Variants in ABLIM1 observed in about 807,000 individuals in gnomAD.
ABLIM1 encodes actin binding LIM protein 1.
Under a neutral mutation model 107.0 loss-of-function variants are expected in ABLIM1, and 40 were observed. The observed-to-expected ratio is 0.37, with a 90% confidence interval of 0.29 to 0.49. ABLIM1 has a LOEUF of 0.49. ABLIM1 is among the 20% of genes least tolerant of loss of function. The probability of loss-of-function intolerance (pLI) is 0.97; values close to 1 mark genes in which losing one functional copy is unlikely to be tolerated. For missense variants in ABLIM1, 857 were observed against 1,008.5 expected, an observed-to-expected ratio of 0.85 and a Z score of 2.04; for synonymous variants, 357 against 357.3, an observed-to-expected ratio of 1.00 and a Z score of 0.01.
At chr10:114,519,033 C>T (rs566600904) in intron 6 of ABLIM1, among the ~76,000 whole-genome samples, 1 of 152,276 alleles carries the variant, frequency 6.6e-6, no homozygotes, top group Admixed American at 6.5e-5. Flanking sequence ...AATCCCCACA[C>T]ACCCTGCCTC....
At chr10:114,788,340 A>AT in the ABLIM1 span, among the ~76,000 whole-genome samples, 23 of 131,294 alleles carry the variant, frequency 1.8e-4, no homozygotes, top group East Asian at 2.4e-3. Context: ...AAAATAAAAA[A>AT]AAAAAAAATA....
intron 10 of ABLIM1, among the ~76,000 whole-genome samples, chr10:114,470,324 G>A (rs1443394658): frequency 1.3e-5 from 2 of 150,446 alleles, no homozygotes; most frequent in Non-Finnish European, 2.9e-5. Flanking sequence ...TTGGGAAGCT[G>A]AGGCAGCAGA....
intron 5 of ABLIM1, 131 bp downstream of exon 5, chr10:114,547,519 T>C: frequency 1.6e-6 from 2 of 1,242,478 alleles, no homozygotes; most frequent in Non-Finnish European, 2.2e-6. Context: ...TAGCAACAAG[T>C]TCATTATGAT....
intron 7 of ABLIM1, among the ~76,000 whole-genome samples, chr10:114,489,505 A>T (rs528679098): frequency 6.6e-6 from 1 of 152,270 alleles, no homozygotes; most frequent in Admixed American, 6.5e-5. Flanking sequence ...TTCTTAACCC[A>T]GGGCCAAAAT....
chr10:114,664,380 G>A (rs2079924307), intron 1 of ABLIM1, among the ~76,000 whole-genome samples: 1 of 152,082 alleles, frequency 6.6e-6, no homozygotes, highest in African/African-American at 2.4e-5. Flanking sequence ...ACCAGGCGTG[G>A]GTGTGCCTAA....
chr10:114,672,913 A>AC (rs1255984915), intron 1 of ABLIM1, among the ~76,000 whole-genome samples: 8 of 152,138 alleles, frequency 5.3e-5, no homozygotes, highest in Admixed American at 4.6e-4. Flanking sequence ...AAATAAGATG[A>AC]CCATATGTGA....
intron 1 of ABLIM1, among the ~76,000 whole-genome samples, chr10:114,722,891 A>T (rs960184543): frequency 6.6e-6 from 1 of 150,662 alleles, no homozygotes; most frequent in Non-Finnish European, 1.5e-5. Context: ...AGGCTAGATA[A>T]TTTTTTTTTT....
At chr10:114,567,091 G>A (rs1005535448) in intron 4 of ABLIM1, among the ~76,000 whole-genome samples, 13 of 152,168 alleles carry the variant, frequency 8.5e-5, no homozygotes, top group Admixed American at 3.9e-4. Flanking sequence ...CCAACACTTG[G>A]TATAACAGGG....
rs954957026 is a variant in ABLIM1, at chr10:114,730,152, C to T, written c.-213+37909G>A. On this transcript the variant is annotated intron_variant, in intron 1 of 15. Coordinates refer to the ABLIM1 transcript ENST00000651092. ...GTGGCTCACGCCTGTGATCCCTGCA[C>T]TTTGGGAGGCCAAAGCAGGTGGATC... Among the ~76,000 whole-genome samples the T allele has an allele frequency of 2.6e-5, 4 of 152,102 alleles. No homozygotes were observed. The East Asian group carries it at 5.8e-4, about 22-fold the overall frequency.
chr10:114,555,975 A>G (rs985508503), intron 4 of ABLIM1, among the ~76,000 whole-genome samples: 1 of 152,324 alleles, frequency 6.6e-6, no homozygotes, highest in Admixed American at 6.5e-5. Flanking sequence ...TTATTAATAG[A>G]AAGTGGAATA....
chr10:114,548,917 C>T (rs1281812671), intron 4 of ABLIM1, among the ~76,000 whole-genome samples: 1 of 152,180 alleles, frequency 6.6e-6, no homozygotes, highest in African/African-American at 2.4e-5. Context: ...TGAAACAACC[C>T]CCTCTTCTGA....
chr10:114,678,295 T>C (rs542956966), intron 1 of ABLIM1, among the ~76,000 whole-genome samples: 373 of 152,382 alleles, frequency 2.4e-3, no homozygotes, highest in African/African-American at 8.6e-3. Context: ...GTTTTCATTC[T>C]GACTGAACTA....
intron 6 of ABLIM1, among the ~76,000 whole-genome samples, chr10:114,496,067 A>C (rs1294638323): frequency 6.6e-6 from 1 of 152,242 alleles, no homozygotes; most frequent in Non-Finnish European, 1.5e-5. Flanking sequence ...TCCCAAGGTC[A>C]TTCACAAAAA....
At chr10:114,466,959 G>A (rs751921059) in intron 11 of ABLIM1, among the ~76,000 whole-genome samples, 1 of 152,074 alleles carries the variant, frequency 6.6e-6, no homozygotes, top group Non-Finnish European at 1.5e-5. Flanking sequence ...AGGAGTTTGC[G>A]ACCAGCCTGC....
chr10:114,758,611 C>T (rs1322896422), intron 1 of ABLIM1, among the ~76,000 whole-genome samples: 2 of 152,158 alleles, frequency 1.3e-5, no homozygotes, highest in Non-Finnish European at 2.9e-5. Context: ...CTGTTCATTC[C>T]TATTTGGAGC....
At chr10:114,452,241 A>G (rs573861037) in intron 13 of ABLIM1, among the ~76,000 whole-genome samples, 4 of 152,368 alleles carry the variant, frequency 2.6e-5, no homozygotes, top group South Asian at 2.1e-4. Flanking sequence ...TTTTAAAAAA[A>G]GAATGAATGA....
At chr10:114,620,412 A>C (rs1163777307) in intron 1 of ABLIM1, among the ~76,000 whole-genome samples, 1 of 151,948 alleles carries the variant, frequency 6.6e-6, no homozygotes, top group Non-Finnish European at 1.5e-5. Flanking sequence ...TGGCCCACAC[A>C]ATATTTTTTT....
At chr10:114,723,895 T>C (rs2081903467) in intron 1 of ABLIM1, among the ~76,000 whole-genome samples, 1 of 152,202 alleles carries the variant, frequency 6.6e-6, no homozygotes, top group African/African-American at 2.4e-5. Context: ...TCCATTTACA[T>C]ATTCATTTCA....
intron 9 of ABLIM1, among the ~76,000 whole-genome samples, 153 bp downstream of exon 9, chr10:114,473,726 T>C (rs2067022622): frequency 6.6e-6 from 1 of 152,172 alleles, no homozygotes; most frequent in South Asian, 2.1e-4. Flanking sequence ...GTAAAAGTGA[T>C]TGAGGAGACT....
Sources: gnomAD v4.1 joint callset for allele counts (sites outside exome capture counted in the v4.1 genomes callset) on GRCh38, gnomAD v4.1.1 for gene constraint, MANE v1.5 for transcripts, NCBI Gene and HGNC (gene_info 2026-07-23, HGNC 2026-07-21) for gene names.